The following COLEC10 variants were observed in gnomAD, a reference collection of about 807,000 sequenced individuals.
COLEC10 encodes collectin subfamily member 10.
COLEC10 carries 22 observed loss-of-function variants against 28.4 expected under a neutral mutation model. The ratio of observed to expected loss-of-function variants is 0.78; its 90% CI spans 0.55 to 1.11. The LOEUF (loss-of-function observed/expected upper bound fraction) is 1.11, where lower values mean the gene tolerates loss of function less well. Ranked by LOEUF, COLEC10 falls within the 50% of genes least tolerant of loss-of-function variation. The probability of loss-of-function intolerance (pLI) is 0.00; values close to 1 mark genes in which losing one functional copy is unlikely to be tolerated. For missense variants in COLEC10, 361 were observed against 344.1 expected, an observed-to-expected ratio of 1.05 and a Z score of -0.39; for synonymous variants, 125 against 116.1, an observed-to-expected ratio of 1.08 and a Z score of -0.49.
At chr8:119,077,339 A>AT (rs1430628568) in intron 1 of COLEC10, among the ~76,000 whole-genome samples, 1 of 143,300 alleles carries the variant, frequency 7.0e-6, no homozygotes, top group African/African-American at 2.6e-5. Flanking sequence ...CCAATGTTAA[A>AT]TTTTTTTCTG....
At chr8:119,104,722 A>G (rs1692639318) in intron 5 of COLEC10, among the ~76,000 whole-genome samples, 1 of 152,168 alleles carries the variant, frequency 6.6e-6, no homozygotes, top group Non-Finnish European at 1.5e-5. Flanking sequence ...ACTAGAGGCA[A>G]AGGAAATACT....
At chr8:119,060,791 C>T (rs1029275954) in intron 2 of COLEC10, among the ~76,000 whole-genome samples, 2 of 152,158 alleles carry the variant, frequency 1.3e-5, no homozygotes, top group Non-Finnish European at 2.9e-5. Context: ...CATTAGTCAA[C>T]TAACTCCACT....
At chr8:119,009,848 TA>T (rs34539026) in intron 2 of COLEC10, among the ~76,000 whole-genome samples, 80,901 of 143,766 alleles carry the variant, frequency 0.56, 22,999 homozygotes, top group East Asian at 0.71. Flanking sequence ...CTCTTTTTTT[TA>T]AAAAAAAATA....
intron 2 of COLEC10, among the ~76,000 whole-genome samples, chr8:119,017,845 C>A (rs1376134194): frequency 6.6e-6 from 1 of 152,058 alleles, no homozygotes; most frequent in African/African-American, 2.4e-5. Flanking sequence ...CAATGTATAG[C>A]TAAAAATAAC....
intron 2 of COLEC10, among the ~76,000 whole-genome samples, chr8:119,024,183 T>C (rs977765146): frequency 1.7e-4 from 26 of 152,132 alleles, no homozygotes; most frequent in Non-Finnish European, 2.9e-4. Context: ...ACAAAGTTGA[T>C]GAGTACCTAG....
At position 119,103,807 on chromosome 8, in the gene COLEC10, C is replaced by G. The variant is rs778534555; in HGVS notation, c.354C>G (p.Val118=). The change falls in exon 5 of 6, where the codon GTC becomes GTG. Residue 118 remains valine (V), a synonymous_variant. Transcript: ENST00000332843. ...IPGEKGKAGT[V]CDCGRYRKFV... ...GTTTTTGTCATTTAAAAGGTACTGT[C>G]TGTGATTGTGGAAGATACCGGAAAT... The G allele has an allele frequency of 6.2e-7, 1 of 1,606,766 alleles. No individual in the cohort carries two copies. Among genetic ancestry groups the G allele is most frequent in the Non-Finnish European group, 8.5e-7 (1 of 1,173,720 alleles).
chr8:118,958,147 A>G, the COLEC10 span, among the ~76,000 whole-genome samples: 1 of 152,214 alleles, frequency 6.6e-6, no homozygotes, highest in African/African-American at 2.4e-5. Flanking sequence ...AATATGAACA[A>G]TGCATAAACA....
chr8:119,100,056 T>G (rs1041394052), intron 3 of COLEC10, among the ~76,000 whole-genome samples: 1 of 152,186 alleles, frequency 6.6e-6, no homozygotes, highest in Non-Finnish European at 1.5e-5. Flanking sequence ...ATCAAAACAT[T>G]AAACCCATAA....
intron 2 of COLEC10, among the ~76,000 whole-genome samples, chr8:119,023,395 T>A (rs1814132159): frequency 6.6e-6 from 1 of 152,138 alleles, no homozygotes. Flanking sequence ...AGTGACAATT[T>A]CAAGAGAAAC....
chr8:118,986,932 A>AAAAC, the COLEC10 span, among the ~76,000 whole-genome samples: 1 of 152,168 alleles, frequency 6.6e-6, no homozygotes, highest in South Asian at 2.1e-4. Context: ...GATTTCTTTT[A>AAAAC]GGGTGTTGAA....
In COLEC10 at chr8:119,099,659, C is replaced by T. The variant is rs1188696264; in HGVS notation, c.293-2689C>T. On this transcript the variant is annotated intron_variant, in intron 3 of 5. Transcript: ENST00000332843. ...ATGTCAAAATACTGAAAACTAGTCA[C>T]AGAGTTTATGTCTTCTCAGAAAAAA... Among the ~76,000 whole-genome samples, 5 of 152,084 alleles carry T rather than the reference C, an allele frequency of 3.3e-5. No homozygotes were observed. The East Asian group carries it at 7.7e-4, about 23-fold the overall frequency.
the COLEC10 span, among the ~76,000 whole-genome samples, chr8:118,961,987 T>A: frequency 6.6e-6 from 1 of 152,290 alleles, no homozygotes; most frequent in Non-Finnish European, 1.5e-5. Context: ...CTTGTCTAAA[T>A]GAGTCAGGGA....
chr8:118,994,664 A>G (rs1009026706), upstream of COLEC10, among the ~76,000 whole-genome samples: 1 of 152,114 alleles, frequency 6.6e-6, no homozygotes, highest in Non-Finnish European at 1.5e-5. Flanking sequence ...TGGAGTCCTT[A>G]CTTGTTGATG....
intron 2 of COLEC10, among the ~76,000 whole-genome samples, chr8:119,012,440 G>A (rs1813916723): frequency 1.3e-5 from 2 of 150,190 alleles, no homozygotes; most frequent in South Asian, 4.2e-4. Flanking sequence ...TTTCTTGTAA[G>A]GTCTTGGTCT....
At chr8:119,054,918 T>G (rs1183284177) in intron 2 of COLEC10, among the ~76,000 whole-genome samples, 1 of 152,028 alleles carries the variant, frequency 6.6e-6, no homozygotes, top group Non-Finnish European at 1.5e-5. Context: ...GCTATTTTCT[T>G]GATGATTAAG....
At position 119,013,833 on chromosome 8, in the gene COLEC10, C is replaced by G. The variant is rs73709524; in HGVS notation, n.235+4280C>G. Among the ~76,000 whole-genome samples, 287 of 150,886 alleles carry G rather than the reference C, an allele frequency of 1.9e-3. 5 individuals carry two copies. The highest frequency in any genetic ancestry group is 3.1e-3 in the African/African-American group (125 of 40,448). ...ATTAGCATGATATATCTTTCTCCAT[C>G]TATTTACTTTTAATCTTTATGTATC... On this transcript the variant is annotated intron_variant and non_coding_transcript_variant, in intron 2 of 6. Transcript: ENST00000521788.
chr8:118,966,403 G>T, the COLEC10 span, among the ~76,000 whole-genome samples: 4 of 152,082 alleles, frequency 2.6e-5, no homozygotes, highest in African/African-American at 4.8e-5. Flanking sequence ...ACAACGAAAA[G>T]AATATTACAT....
intron 3 of COLEC10, among the ~76,000 whole-genome samples, chr8:119,096,516 G>T (rs528233762): frequency 1.3e-5 from 2 of 151,096 alleles, no homozygotes; most frequent in Non-Finnish European, 3.0e-5. Context: ...ACTTGAACCA[G>T]GGAGGCGGAG....
the COLEC10 span, among the ~76,000 whole-genome samples, chr8:118,973,968 C>T: frequency 2.0e-5 from 3 of 151,878 alleles, no homozygotes; most frequent in African/African-American, 7.2e-5. Flanking sequence ...ATTCCTCAAA[C>T]CCACCTGGCC....
Sources: gnomAD v4.1 joint callset for allele counts (sites outside exome capture counted in the v4.1 genomes callset) on GRCh38, gnomAD v4.1.1 for gene constraint, MANE v1.5 for transcripts, NCBI Gene and HGNC (gene_info 2026-07-23, HGNC 2026-07-21) for gene names.